Variants in SLC5A12 observed in about 807,000 individuals in gnomAD.
The protein encoded by SLC5A12 is sodium-coupled monocarboxylate transporter 2.
In SLC5A12, 46 loss-of-function variants were observed where a neutral mutation model predicts 72.7. The observed-to-expected ratio is 0.63, with a 90% CI of 0.50 to 0.81. SLC5A12 has a LOEUF of 0.81. Ranked by LOEUF, SLC5A12 falls within the 30% of genes least tolerant of loss-of-function variation. The probability of loss-of-function intolerance (pLI) is 0.00; values close to 1 mark genes in which losing one functional copy is unlikely to be tolerated. For missense variants in SLC5A12, 683 were observed against 740.7 expected, an observed-to-expected ratio of 0.92 and a Z score of 0.90; for synonymous variants, 275 against 264.4, an observed-to-expected ratio of 1.04 and a Z score of -0.39.
In SLC5A12 at chr11:26,721,316, G is replaced by A; in HGVS notation, c.339+60C>T. 3.3e-6 allele frequency: 4 copies of A among 1,215,860 alleles called. No individual in the cohort carries two copies. In the South Asian group the frequency reaches 4.5e-5, roughly 14 times the overall value. The allele number at this position is 1,215,860 out of a possible 1,614,324, so 75.3% of individuals were successfully genotyped here. On this transcript the variant is annotated intron_variant, in intron 1 of 14. Transcript: ENST00000396005. ...ATCAGTGAGTGTTCTTCAACTACCA[G>A]GTGCTATCATCAAGAGGATGAGAAA...
At chr11:26,697,107 C>A (rs1020719724) in intron 8 of SLC5A12, 57 bp downstream of exon 8, 14 of 1,429,764 alleles carry the variant, frequency 9.8e-6, no homozygotes, top group East Asian at 4.6e-5. Context: ...GATCACTACA[C>A]CATCATCCTT....
Position 26,671,183 on chromosome 11 carries a change from T to G in SLC5A12, c.1776A>C (p.Arg592Ser). The change falls in exon 15 of 15, where the codon AGA becomes AGC. Residue 592 changes from arginine to serine, a missense_variant. Physicochemically the swap from Arg to Ser is moderately radical, Grantham distance 110 (BLOSUM62 -1). Transcript: ENST00000396005. ...AESVLQNGLRRESLVHVPGYD... is the reference protein window; with the variant it reads ...AESVLQNGLRSESLVHVPGYD... ...AGCCTGGAACATGTACCAGGCTTTC[T>G]CTTCTGAGTCCGTTCTGTAAGACAG... The G allele has an allele frequency of 6.2e-7, 1 of 1,612,834 alleles. No individual in the cohort carries two copies. The highest frequency in any genetic ancestry group is 8.5e-7 in the Non-Finnish European group (1 of 1,179,268).
intron 8 of SLC5A12, among the ~76,000 whole-genome samples, chr11:26,695,616 C>A (rs1854790850): frequency 6.6e-6 from 1 of 151,934 alleles, no homozygotes; most frequent in Non-Finnish European, 1.5e-5. Context: ...AGACAATGAA[C>A]AAATGAGAAA....
At position 26,681,175 on chromosome 11, in the gene SLC5A12, A is replaced by G. The variant is rs769098575; in HGVS notation, c.1355T>C (p.Val452Ala). 22 of 1,610,236 alleles carry G rather than the reference A, an allele frequency of 1.4e-5. No homozygotes were observed. The highest frequency in any genetic ancestry group is 1.7e-5 in the Non-Finnish European group (20 of 1,178,322). The change falls in exon 12 of 15, where the codon GTG (valine) becomes GCG (alanine). Residue 452 changes from valine (V) to alanine (A), a missense_variant. By Grantham distance (64) the Val-to-Ala change is moderately conservative. Coordinates refer to ENST00000396005, the MANE Select transcript of SLC5A12 (RefSeq NM_178498.4). ...LLTGITLSFW[V>A]AIGAFIYPAP... ...AGGGTAAATGAAGGCCCCAATGGCC[A>G]CCCAAAATGACAAGGTGATTCCAGT...
intron 12 of SLC5A12, among the ~76,000 whole-genome samples, 199 bp downstream of exon 12, chr11:26,680,855 TG>T (rs1854395841): frequency 6.6e-6 from 1 of 152,212 alleles, no homozygotes. Flanking sequence ...AATTGGTTTT[TG>T]TATGTCTGAA....
intron 8 of SLC5A12, among the ~76,000 whole-genome samples, chr11:26,696,099 ACT>A (rs1426641651): frequency 6.6e-6 from 1 of 152,156 alleles, no homozygotes; most frequent in Non-Finnish European, 1.5e-5. Flanking sequence ...TAGGATACAC[ACT>A]GTTATTTCCT....
chr11:26,675,465 G>A (rs545361595), intron 13 of SLC5A12, among the ~76,000 whole-genome samples: 1 of 152,242 alleles, frequency 6.6e-6, no homozygotes, highest in South Asian at 2.1e-4. Context: ...CTTGGGGATT[G>A]AGCATCAGTG....
At chr11:26,689,765 T>C (rs541457620) in intron 9 of SLC5A12, among the ~76,000 whole-genome samples, 2 of 152,266 alleles carry the variant, frequency 1.3e-5, no homozygotes, top group South Asian at 2.1e-4. Flanking sequence ...GGTCCACAAT[T>C]TGCTTTTAAA....
At chr11:26,686,691 C>A in intron 9 of SLC5A12, 147 bp from the exon 10 acceptor site, 1 of 666,070 alleles carries the variant, frequency 1.5e-6, no homozygotes, top group Non-Finnish European at 2.6e-6. Flanking sequence ...CAGCCATCAT[C>A]AGCCCCAAGA....
In SLC5A12 at chr11:26,670,381, G is replaced by T. The variant is rs1323554490; in HGVS notation, c.*721C>A. ...TTTTTCATTGTAAAGTGATAGAAAG[G>T]AAGAAGACATACTGCATGGACAGCA... On this transcript the variant is annotated 3_prime_UTR_variant, in exon 15 of 15. Coordinates refer to ENST00000396005, the MANE Select transcript of SLC5A12 (RefSeq NM_178498.4). 1 of 152,180 alleles carries T rather than the reference G, an allele frequency of 6.6e-6. No individual in the cohort carries two copies. The highest frequency in any genetic ancestry group is 1.9e-4 in the East Asian group (1 of 5,158). 9.4% of individuals were successfully genotyped at this position (152,180 alleles called of 1,614,324 possible). A position where few individuals can be genotyped will look rare whatever the true frequency, so the allele number is the denominator to read the frequency against.
rs1480499424 is a variant in SLC5A12, at chr11:26,712,687, T to C, written c.359A>G (p.Asn120Ser). The C allele has an allele frequency of 6.3e-7, 1 of 1,589,948 alleles. No individual in the cohort carries two copies. The highest frequency in any genetic ancestry group is 1.3e-5 in the African/African-American group (1 of 74,630). ...STYEYLQLRFNKPVRYAATVI... is the reference protein window; with the variant it reads ...STYEYLQLRFSKPVRYAATVI... ...CGTGGCAGCATAGCGAACTGGTTTG[T>C]TGAATCGTAGTTGTAAGTACTAAAG... The change falls in exon 2 of 15, where the codon AAC becomes AGC. Residue 120 changes from asparagine (N) to serine (S), a missense_variant. Coordinates refer to ENST00000396005, the MANE Select transcript of SLC5A12 (RefSeq NM_178498.4).
intron 10 of SLC5A12, among the ~76,000 whole-genome samples, chr11:26,684,292 G>A (rs1854477863): frequency 6.6e-6 from 1 of 152,082 alleles, no homozygotes; most frequent in Admixed American, 6.6e-5. Flanking sequence ...TGACAAAATG[G>A]AGGCAGATGA....
At chr11:26,714,708 T>G (rs954177363) in intron 1 of SLC5A12, among the ~76,000 whole-genome samples, 1 of 152,186 alleles carries the variant, frequency 6.6e-6, no homozygotes, top group African/African-American at 2.4e-5. Context: ...ACAATCAATT[T>G]ATCCTTTCCC....
chr11:26,682,435 C>CT (rs1854431767), intron 11 of SLC5A12, among the ~76,000 whole-genome samples: 1 of 151,992 alleles, frequency 6.6e-6, no homozygotes, highest in Non-Finnish European at 1.5e-5. Context: ...AGCTGGAGAG[C>CT]CATGTTGAGA....
At chr11:26,714,648 GTTCT>G (rs902736751) in intron 1 of SLC5A12, among the ~76,000 whole-genome samples, 3 of 152,024 alleles carry the variant, frequency 2.0e-5, no homozygotes, top group African/African-American at 7.2e-5. Flanking sequence ...CTTGATAGTA[GTTCT>G]TTCTTTTCTG....
rs1028221458 is a variant in SLC5A12, at chr11:26,670,680, T to C, written c.*422A>G. 1 of 153,062 alleles carries C rather than the reference T, an allele frequency of 6.5e-6. No individual in the cohort carries two copies. The highest frequency in any genetic ancestry group is 2.4e-5 in the African/African-American group (1 of 41,434). 9.5% of individuals were successfully genotyped at this position (153,062 alleles called of 1,614,324 possible). A position where few individuals can be genotyped will look rare whatever the true frequency, so the allele number is the denominator to read the frequency against. On this transcript the variant is annotated 3_prime_UTR_variant, in exon 15 of 15. Coordinates refer to ENST00000396005, the MANE Select transcript of SLC5A12 (RefSeq NM_178498.4). ...TGTCATTCCTCTATTTTATCCCTCG[T>C]GGCAGGAAAGTGTTAAATATGCATA...
chr11:26,697,059 G>T, intron 8 of SLC5A12, 105 bp downstream of exon 8: 1 of 903,492 alleles, frequency 1.1e-6, no homozygotes, highest in Non-Finnish European at 1.7e-6. Context: ...CATTCAGAAG[G>T]TCAGTTTACA....
Position 26,703,644 on chromosome 11 carries a change from G to A in SLC5A12, c.708C>T (p.His236=), listed in dbSNP as rs1194610160. ...CTCCCACTGTGATAGTCCAAAAAGT[G>A]TGTCGCCTGAGAGGATCTACATCAA... ...FDFDVDPLRR[H]TFWTITVGGT... is the part of the protein sequence containing the mutation. The change falls in exon 6 of 15, where the codon CAC becomes CAT. Residue 236 remains histidine, a synonymous_variant. Transcript: ENST00000396005. The A allele has an allele frequency of 6.2e-7, 1 of 1,613,774 alleles. No homozygotes were observed. The highest frequency in any genetic ancestry group is 8.5e-7 in the Non-Finnish European group (1 of 1,179,908).
rs556739852 is a variant in SLC5A12, at chr11:26,719,800, T to G, written c.339+1576A>C. Among the ~76,000 whole-genome samples the G allele has an allele frequency of 1.6e-4, 25 of 152,326 alleles. No individual in the cohort carries two copies. In the South Asian group the frequency reaches 5.2e-3, roughly 32 times the overall value. On this transcript the variant is annotated intron_variant, in intron 1 of 14. Transcript: ENST00000396005. Reference sequence around the variant, plus strand: ...CATACCAGCATTCCTCCTCTCTATCTCATCCTATTTACTTTACTTTTTCTC... The same window carrying G: ...CATACCAGCATTCCTCCTCTCTATCGCATCCTATTTACTTTACTTTTTCTC...
Sources: allele counts gnomAD v4.1 joint callset (sites outside exome capture counted in the v4.1 genomes callset), GRCh38; gene constraint gnomAD v4.1.1; transcripts MANE v1.5; gene names NCBI Gene and HGNC (gene_info 2026-07-23, HGNC 2026-07-21).